Variants in CSMD2 observed in about 807,000 individuals in gnomAD.
CSMD2 encodes CUB and sushi domain-containing protein 2.
Under a neutral mutation model 398.5 loss-of-function variants are expected in CSMD2, and 130 were observed. The observed-to-expected ratio is 0.33, with a 90% CI of 0.28 to 0.38. The LOEUF is 0.38. Ranked by LOEUF, CSMD2 falls within the 10% of genes least tolerant of loss-of-function variation. The pLI, the probability that CSMD2 is intolerant of heterozygous loss-of-function variation, is 1.00. For missense variants in CSMD2, 3,829 were observed against 4,764.9 expected (o/e 0.80, Z 5.78); for synonymous variants, 1,828 against 1,908.5 (o/e 0.96, Z 1.10).
intron 1 of CSMD2, among the ~76,000 whole-genome samples, chr1:34,109,312 T>A (rs893531640): frequency 6.6e-6 from 1 of 152,228 alleles, no homozygotes; most frequent in Non-Finnish European, 1.5e-5. Flanking sequence ...TGATGGTGAT[T>A]TGAAAGTTGT....
rs1264473397 is a variant in CSMD2 at position 33,600,965 on chromosome 1, C to T, written c.6756G>A (p.Arg2252=). ...TCTGCACTGTTTTCTTGGCCATGCTCCGGGTGAAGACGCCGAGCCGTGGTG... is the reference window on the plus strand; with the variant it reads ...TCTGCACTGTTTTCTTGGCCATGCTTCGGGTGAAGACGCCGAGCCGTGGTG... ...QTAPRLGVFT[R]SMAKKTVQSS... is the part of the protein sequence containing the mutation. The change falls in exon 44 of 71, where the codon CGG becomes CGA. Residue 2252 remains arginine (R), a synonymous_variant. Coordinates refer to ENST00000373381, the MANE Select transcript of CSMD2 (RefSeq NM_001281956.2). The T allele has an allele frequency of 1.2e-6, 2 of 1,614,006 alleles. No individual in the cohort carries two copies. Among genetic ancestry groups the T allele is most frequent in the African/African-American group, 2.7e-5 (2 of 74,902 alleles).
In CSMD2 at chr1:34,036,524, A is replaced by T. The variant is rs1458988224; in HGVS notation, c.405-3818T>A. 2.6e-5 allele frequency among the ~76,000 whole-genome samples: 4 copies of T among 152,216 alleles called. No homozygotes were observed. In the East Asian group the frequency reaches 7.7e-4, roughly 29 times the overall value. ...GCTAGAGATTAGGAATCGTAAGAGG[A>T]AGGGAAATGGATATGACCACAAAGA... On this transcript the variant is annotated intron_variant, in intron 2 of 70. Transcript: ENST00000373381.
intron 5 of CSMD2, among the ~76,000 whole-genome samples, chr1:33,886,004 G>A (rs1343270378): frequency 6.6e-6 from 1 of 152,026 alleles, no homozygotes; most frequent in Non-Finnish European, 1.5e-5. Flanking sequence ...TATGCATATC[G>A]AGTGCTTAGC....
chr1:33,964,913 A>T (rs1423174405), intron 3 of CSMD2, among the ~76,000 whole-genome samples: 3 of 152,132 alleles, frequency 2.0e-5, no homozygotes, highest in Admixed American at 1.3e-4. Flanking sequence ...TGCTCATAAC[A>T]CCTCTCTAGC....
Position 33,832,066 on chromosome 1 carries a change from G to A in CSMD2, c.1034-6292C>T, listed in dbSNP as rs1282374444. The stretch of plus-strand genomic sequence containing the variant: ...AGACTCCCACACAATAATAATGGGA[G>A]ACTTTAACACCCCACTGTCAATATT... On this transcript the variant is annotated intron_variant, in intron 6 of 70. Transcript: ENST00000373381. Among the ~76,000 whole-genome samples, 3 of 146,958 alleles carry A rather than the reference G, an allele frequency of 2.0e-5. No homozygotes were observed. In the East Asian group the frequency reaches 6.1e-4, roughly 30 times the overall value.
chr1:33,989,328 A>G (rs1418024440), intron 3 of CSMD2, among the ~76,000 whole-genome samples: 4 of 152,070 alleles, frequency 2.6e-5, no homozygotes, highest in Non-Finnish European at 5.9e-5. Flanking sequence ...ATGTAAAAGA[A>G]TAAAGATACC....
intron 25 of CSMD2, among the ~76,000 whole-genome samples, chr1:33,667,360 C>T (rs1644351354): frequency 6.6e-6 from 1 of 152,174 alleles, no homozygotes; most frequent in South Asian, 2.1e-4. Flanking sequence ...CCATGGAGTC[C>T]ATGCAAGCAT....
At chr1:33,847,050 G>T (rs926571547) in intron 5 of CSMD2, 54 bp from the exon 6 acceptor site, 73 of 1,213,104 alleles carry the variant, frequency 6.0e-5, no homozygotes, top group Non-Finnish European at 7.1e-5. Flanking sequence ...TGGTATAGGT[G>T]TATGAGCATT....
At chr1:33,815,410 A>C (rs1657345227) in intron 9 of CSMD2, 1 of 152,194 alleles carries the variant, frequency 6.6e-6, no homozygotes, top group Non-Finnish European at 1.5e-5. Flanking sequence ...AATCTAGGAA[A>C]GGGTACATGG....
At chr1:33,700,333 C>G (rs1368261865) in intron 23 of CSMD2, among the ~76,000 whole-genome samples, 184 bp downstream of exon 23, 2 of 152,170 alleles carry the variant, frequency 1.3e-5, no homozygotes, top group Admixed American at 1.3e-4. Context: ...TGGACAAATG[C>G]TATTCCATTG....
chr1:33,704,135 C>A (rs1645698315), intron 22 of CSMD2, among the ~76,000 whole-genome samples: 1 of 152,076 alleles, frequency 6.6e-6, no homozygotes, highest in East Asian at 1.9e-4. Flanking sequence ...GTTTTTGTTT[C>A]TATTATAAAT....
chr1:33,683,394 A>C (rs1644968122), intron 25 of CSMD2, among the ~76,000 whole-genome samples: 1 of 152,184 alleles, frequency 6.6e-6, no homozygotes, highest in African/African-American at 2.4e-5. Context: ...GGTATGTTTT[A>C]AGTGGCATCA....
Position 33,856,282 on chromosome 1 carries a change from C to T in CSMD2, c.921-9286G>A, listed in dbSNP as rs115666404. Among the ~76,000 whole-genome samples the T allele has an allele frequency of 6.1e-3, 927 of 152,328 alleles. 5 individuals carry two copies. Among genetic ancestry groups the T allele is most frequent in the African/African-American group, 0.021 (863 of 41,576 alleles). Reference sequence around the variant, plus strand: ...CAGGGAAATGAGGCACCTGCATCTACTCTGGTGATAGAGCAGTGCAGGGGT... The same window carrying T: ...CAGGGAAATGAGGCACCTGCATCTATTCTGGTGATAGAGCAGTGCAGGGGT... On this transcript the variant is annotated intron_variant, in intron 5 of 70. Transcript: ENST00000373381.
In CSMD2 at chr1:33,605,893, A is replaced by G. The variant is rs143724889; in HGVS notation, c.6344-423T>C. 58 of 1,613,898 alleles carry G rather than the reference A, an allele frequency of 3.6e-5. No homozygotes were observed. In the African/African-American group the frequency reaches 7.5e-4, roughly 21 times the overall value. On this transcript the variant is annotated intron_variant, in intron 41 of 70. Transcript: ENST00000373381. ...CAACCAGGATCAAGATCCCAGACAT[A>G]GGAAGCGGCGACGGGAGGAGTTGAG...
At chr1:33,885,690 C>T (rs1641545875) in intron 5 of CSMD2, among the ~76,000 whole-genome samples, 1 of 152,144 alleles carries the variant, frequency 6.6e-6, no homozygotes, top group Admixed American at 6.5e-5. Context: ...TGGTTGGCAG[C>T]AAGCTCTATA....
At chr1:33,756,039 G>T (rs1648966291) in intron 13 of CSMD2, among the ~76,000 whole-genome samples, 1 of 152,082 alleles carries the variant, frequency 6.6e-6, no homozygotes, top group Admixed American at 6.6e-5. Flanking sequence ...AGACACTTTG[G>T]TTCTTCCATA....
chr1:33,740,258 A>G (rs481776), intron 14 of CSMD2, among the ~76,000 whole-genome samples: 44,808 of 151,814 alleles, frequency 0.3, 7,616 homozygotes, highest in African/African-American at 0.47. Flanking sequence ...CAGCAGGGGC[A>G]TCACAGTTCT....
chr1:33,726,833 A>G (rs1646550203), intron 15 of CSMD2, 148 bp from the exon 16 acceptor site: 1 of 867,782 alleles, frequency 1.2e-6, no homozygotes, highest in Non-Finnish European at 1.7e-6. Context: ...AGTTTTGTCT[A>G]CTGGGACCTT....
intron 55 of CSMD2, among the ~76,000 whole-genome samples, chr1:33,552,715 AAT>A (rs1657573172): frequency 6.6e-6 from 1 of 152,236 alleles, no homozygotes; most frequent in African/African-American, 2.4e-5. Flanking sequence ...ATTTATATGA[AAT>A]GTCCAGAATA....
Sources: allele counts gnomAD v4.1 joint callset (sites outside exome capture counted in the v4.1 genomes callset), GRCh38; gene constraint gnomAD v4.1.1; transcripts MANE v1.5; gene names NCBI Gene and HGNC (gene_info 2026-07-23, HGNC 2026-07-21).